KIAA1217: variants seen among roughly 807,000 people sequenced by gnomAD.
KIAA1217 encodes KIAA1217, also known as sickle tail protein homolog.
KIAA1217 carries 88 observed loss-of-function variants against 163.9 expected under a neutral mutation model. That is an observed-to-expected ratio of 0.54 (90% CI 0.45 to 0.64). The LOEUF (loss-of-function observed/expected upper bound fraction) is 0.64, where lower values mean the gene tolerates loss of function less well. KIAA1217 is among the 30% of genes least tolerant of loss of function. The probability of loss-of-function intolerance (pLI) is 0.00; values close to 1 mark genes in which losing one functional copy is unlikely to be tolerated. For missense variants in KIAA1217, 2,372 were observed against 2,475.0 expected, an observed-to-expected ratio of 0.96 and a Z score of 0.88; for synonymous variants, 903 against 923.1, an observed-to-expected ratio of 0.98 and a Z score of 0.39.
chr10:24,171,734 C>T (rs1253589886), intron 2 of KIAA1217, among the ~76,000 whole-genome samples: 1 of 151,942 alleles, frequency 6.6e-6, no homozygotes, highest in Non-Finnish European at 1.5e-5. Flanking sequence ...TTGCAGTAAG[C>T]TAAGATTGCA....
intron 2 of KIAA1217, among the ~76,000 whole-genome samples, chr10:24,115,076 C>T (rs1034130986): frequency 3.9e-5 from 6 of 152,188 alleles, no homozygotes; most frequent in African/African-American, 1.2e-4. Flanking sequence ...CATCATATTG[C>T]TTTGCTTATT....
At chr10:23,815,377 G>T (rs1019618681) in intron 1 of KIAA1217, among the ~76,000 whole-genome samples, 1 of 152,184 alleles carries the variant, frequency 6.6e-6, no homozygotes, top group Non-Finnish European at 1.5e-5. Flanking sequence ...GGGCGCGGTG[G>T]CTCACGCCTG....
chr10:24,138,268 T>G (rs1419034259), intron 2 of KIAA1217, among the ~76,000 whole-genome samples: 1 of 152,112 alleles, frequency 6.6e-6, no homozygotes, highest in Non-Finnish European at 1.5e-5. Context: ...ATCCCCCTTA[T>G]CTCAGCCTCC....
intron 2 of KIAA1217, among the ~76,000 whole-genome samples, chr10:24,109,384 C>G (rs1393061019): frequency 6.8e-6 from 1 of 147,618 alleles, no homozygotes; most frequent in African/African-American, 2.5e-5. Flanking sequence ...ACTGTGGTCT[C>G]TTTTTTTTTT....
chr10:23,836,361 C>T (rs904690368), intron 1 of KIAA1217, among the ~76,000 whole-genome samples: 1 of 151,914 alleles, frequency 6.6e-6, no homozygotes, highest in Non-Finnish European at 1.5e-5. Flanking sequence ...GACTGATATC[C>T]TTATAACAAG....
chr10:24,199,125 G>A (rs1392660471), intron 2 of KIAA1217, among the ~76,000 whole-genome samples: 6 of 152,060 alleles, frequency 3.9e-5, no homozygotes, highest in Non-Finnish European at 7.4e-5. Flanking sequence ...AGGAGGCTGA[G>A]TTGGGAGGAC....
chr10:24,309,030 G>A (rs566844492), intron 2 of KIAA1217, among the ~76,000 whole-genome samples: 29 of 151,380 alleles, frequency 1.9e-4, no homozygotes, highest in South Asian at 1.5e-3. Context: ...GGCTGAGGTC[G>A]GAGGATCACT....
At chr10:24,355,210 T>C (rs1157453276) in intron 2 of KIAA1217, among the ~76,000 whole-genome samples, 2 of 152,170 alleles carry the variant, frequency 1.3e-5, no homozygotes, top group Admixed American at 6.5e-5. Context: ...GCAGGTGGGC[T>C]TCAGCCCCTC....
At chr10:24,060,475 G>A (rs2060682141) in intron 2 of KIAA1217, among the ~76,000 whole-genome samples, 1 of 152,024 alleles carries the variant, frequency 6.6e-6, no homozygotes, top group African/African-American at 2.4e-5. Context: ...ATTTCATTAT[G>A]GTTGGAAAAG....
intron 13 of KIAA1217, 103 bp downstream of exon 13, chr10:24,524,867 G>A: frequency 9.4e-7 from 1 of 1,065,008 alleles, no homozygotes; most frequent in South Asian, 1.7e-5. Flanking sequence ...ATTGTGTATG[G>A]ATCAGAGACA....
intron 2 of KIAA1217, among the ~76,000 whole-genome samples, chr10:24,256,746 A>G (rs150986211): frequency 6.0e-4 from 92 of 152,290 alleles, no homozygotes; most frequent in Admixed American, 1.4e-3. Flanking sequence ...TACCACTGCT[A>G]TCTCAGTCTT....
chr10:24,254,611 A>G (rs1274686571), intron 2 of KIAA1217, among the ~76,000 whole-genome samples: 3 of 152,196 alleles, frequency 2.0e-5, no homozygotes, highest in Non-Finnish European at 4.4e-5. Context: ...TAAGGCAGAT[A>G]TGGCCACAAA....
At chr10:24,039,076 T>A (rs1370115544) in intron 2 of KIAA1217, among the ~76,000 whole-genome samples, 1 of 152,120 alleles carries the variant, frequency 6.6e-6, no homozygotes, top group Non-Finnish European at 1.5e-5. Context: ...TGGGACCCTC[T>A]CTTGGGCATT....
intron 8 of KIAA1217, among the ~76,000 whole-genome samples, chr10:24,495,649 G>A (rs921477892): frequency 6.6e-6 from 1 of 152,178 alleles, no homozygotes; most frequent in Non-Finnish European, 1.5e-5. Context: ...GGGGAAGAAG[G>A]GTTGTCCAGT....
At chr10:24,132,531 A>C (rs2063692817) in intron 2 of KIAA1217, among the ~76,000 whole-genome samples, 1 of 152,234 alleles carries the variant, frequency 6.6e-6, no homozygotes, top group Non-Finnish European at 1.5e-5. Flanking sequence ...GGCAGGACCC[A>C]GTCTTCTAAA....
At chr10:23,724,002 G>T (rs1838002796) in intron 1 of KIAA1217, among the ~76,000 whole-genome samples, 1 of 152,168 alleles carries the variant, frequency 6.6e-6, no homozygotes, top group Non-Finnish European at 1.5e-5. Flanking sequence ...CATCTTACAT[G>T]ACAGGAGCAG....
chr10:23,963,759 G>A (rs778123860), intron 1 of KIAA1217, among the ~76,000 whole-genome samples: 7 of 151,980 alleles, frequency 4.6e-5, no homozygotes, highest in African/African-American at 1.5e-4. Flanking sequence ...CTATTTCTCC[G>A]CATCCTCTCC....
chr10:23,956,986 CT>C (rs1844592568), intron 1 of KIAA1217, among the ~76,000 whole-genome samples: 1 of 152,188 alleles, frequency 6.6e-6, no homozygotes, highest in Non-Finnish European at 1.5e-5. Flanking sequence ...ATCACCTTCA[CT>C]TTCTTCCAGT....
chr10:23,824,134 G>A (rs1026619514), intron 1 of KIAA1217, among the ~76,000 whole-genome samples: 11 of 151,924 alleles, frequency 7.2e-5, no homozygotes, highest in Non-Finnish European at 1.5e-4. Context: ...TTAGCCCAGC[G>A]TGTTGGTGCA....
Sources: gnomAD v4.1 joint callset for allele counts (sites outside exome capture counted in the v4.1 genomes callset) on GRCh38, gnomAD v4.1.1 for gene constraint, MANE v1.5 for transcripts, NCBI Gene and HGNC (gene_info 2026-07-23, HGNC 2026-07-21) for gene names.